The following SEMA3A variants were observed in gnomAD, a reference collection of about 807,000 sequenced individuals.
SEMA3A encodes the protein semaphorin 3A.
In SEMA3A, 29 loss-of-function variants were observed where a neutral mutation model predicts 97.9. That is an observed-to-expected ratio of 0.30 (90% confidence interval 0.22 to 0.40). The LOEUF is 0.40. SEMA3A is among the 10% of genes least tolerant of loss of function. The pLI is 1.00. For missense variants in SEMA3A, 763 were observed against 951.3 expected (o/e 0.80, Z 2.60); for synonymous variants, 321 against 323.7 (o/e 0.99, Z 0.09).
chr7:84,062,840 G>A (rs1414284234), intron 4 of SEMA3A, among the ~76,000 whole-genome samples: 1 of 138,258 alleles, frequency 7.2e-6, no homozygotes, highest in Non-Finnish European at 1.5e-5. Flanking sequence ...GCGAGGCGGG[G>A]GGAGGGGCGT....
chr7:84,254,214 T>A (rs1799667918), intron 3 of SEMA3A, among the ~76,000 whole-genome samples: 1 of 152,186 alleles, frequency 6.6e-6, no homozygotes. Context: ...ACTATTGGGA[T>A]TTGGTTACTT....
At chr7:83,963,932 C>A (rs1213355187) in intron 15 of SEMA3A, among the ~76,000 whole-genome samples, 2 of 152,062 alleles carry the variant, frequency 1.3e-5, no homozygotes, top group Non-Finnish European at 2.9e-5. Flanking sequence ...TTCTGAAGAT[C>A]AATTGGTGTG....
At chr7:84,430,093 C>A (rs1231672456) in intron 1 of SEMA3A, among the ~76,000 whole-genome samples, 1 of 151,620 alleles carries the variant, frequency 6.6e-6, no homozygotes, top group African/African-American at 2.4e-5. Flanking sequence ...AAATGTAAAC[C>A]CAATCGGGGA....
At chr7:84,127,036 T>C (rs942681226) in intron 3 of SEMA3A, among the ~76,000 whole-genome samples, 1 of 152,058 alleles carries the variant, frequency 6.6e-6, no homozygotes, top group African/African-American at 2.4e-5. Context: ...TTTGATCCAC[T>C]GTTACATAAC....
At chr7:84,062,776 C>T (rs930300782) in intron 4 of SEMA3A, among the ~76,000 whole-genome samples, 7 of 152,188 alleles carry the variant, frequency 4.6e-5, no homozygotes, top group Non-Finnish European at 8.8e-5. Context: ...CCTACACCCA[C>T]GGAGTCTCGC....
chr7:84,081,776 A>G (rs1794171870), intron 4 of SEMA3A, among the ~76,000 whole-genome samples: 1 of 151,972 alleles, frequency 6.6e-6, no homozygotes, highest in Non-Finnish European at 1.5e-5. Context: ...GCATATGTAC[A>G]TACAAGTGTA....
chr7:84,403,670 C>T (rs1309042435), intron 1 of SEMA3A, among the ~76,000 whole-genome samples: 3 of 152,128 alleles, frequency 2.0e-5, no homozygotes, highest in Non-Finnish European at 4.4e-5. Flanking sequence ...ACACCTCACA[C>T]AGCCGGGTAC....
At chr7:84,365,688 C>CT (rs1317122142) in intron 2 of SEMA3A, among the ~76,000 whole-genome samples, 4 of 150,940 alleles carry the variant, frequency 2.7e-5, no homozygotes, top group East Asian at 2.0e-4. Flanking sequence ...TATATTCTTA[C>CT]TTTTTTTTGC....
intron 2 of SEMA3A, among the ~76,000 whole-genome samples, chr7:84,350,024 A>G (rs765044253): frequency 2.0e-5 from 3 of 151,996 alleles, no homozygotes; most frequent in Non-Finnish European, 2.9e-5. Flanking sequence ...AATCCCCCCA[A>G]ATTGGCCTAA....
chr7:84,455,815 T>C (rs925826655), intron 1 of SEMA3A, among the ~76,000 whole-genome samples: 13 of 151,962 alleles, frequency 8.6e-5, no homozygotes, highest in Non-Finnish European at 1.6e-4. Context: ...ATTTTATATA[T>C]GGGAGAGGGA....
chr7:84,357,277 C>CCCTT (rs1802586232), intron 2 of SEMA3A, among the ~76,000 whole-genome samples: 1 of 148,662 alleles, frequency 6.7e-6, no homozygotes, highest in Non-Finnish European at 1.5e-5. Flanking sequence ...TATGCCTCCC[C>CCCTT]GCCCCACCCC....
At chr7:84,239,238 T>A (rs952311098) in intron 3 of SEMA3A, among the ~76,000 whole-genome samples, 4 of 152,238 alleles carry the variant, frequency 2.6e-5, no homozygotes, top group Non-Finnish European at 1.5e-5. Context: ...TTTTTAATTA[T>A]CTACTTATTC....
At chr7:84,313,356 GTATATATATA>G (rs869145201) in intron 2 of SEMA3A, among the ~76,000 whole-genome samples, 362 of 23,000 alleles carry the variant, frequency 0.016, 5 homozygotes, top group African/African-American at 0.017. Context: ...ATGTGTGTGT[GTATATATATA>G]TATATATATA....
At chr7:84,311,000 T>TTATATATATATATA (rs4016123) in intron 2 of SEMA3A, among the ~76,000 whole-genome samples, 1 of 148,604 alleles carries the variant, frequency 6.7e-6, no homozygotes, top group Non-Finnish European at 1.5e-5. Flanking sequence ...TTAGTAGATG[T>TTATATATATATATA]TATATATATA....
At chr7:84,217,034 T>C (rs1798768946) in intron 3 of SEMA3A, among the ~76,000 whole-genome samples, 1 of 152,204 alleles carries the variant, frequency 6.6e-6, no homozygotes, top group South Asian at 2.1e-4. Context: ...GAATGTTAAA[T>C]TATTCACCAT....
chr7:84,322,359 G>C (rs982014416), intron 2 of SEMA3A, among the ~76,000 whole-genome samples: 1 of 151,984 alleles, frequency 6.6e-6, no homozygotes, highest in African/African-American at 2.4e-5. Context: ...TTTTCTCACT[G>C]TTATCATCAT....
intron 1 of SEMA3A, among the ~76,000 whole-genome samples, chr7:84,473,670 T>C (rs987954906): frequency 2.0e-5 from 3 of 152,110 alleles, no homozygotes; most frequent in Non-Finnish European, 2.9e-5. Flanking sequence ...TTTACAGGCA[T>C]GAGCCACTGC....
At chr7:84,341,582 T>C (rs2115988546) in intron 2 of SEMA3A, among the ~76,000 whole-genome samples, 1 of 152,192 alleles carries the variant, frequency 6.6e-6, no homozygotes, top group Non-Finnish European at 1.5e-5. Context: ...CAGCAGGTCC[T>C]GTGGATAATA....
In SEMA3A at chr7:84,168,776, C is replaced by T. The variant is rs549909737; in HGVS notation, c.112+25699G>A. ...AACTAACTGACACCTCACATAATAC[C>T]TACCAGTTCAGAACATATGAGGTTT... On this transcript the variant is annotated intron_variant, in intron 1 of 16. Coordinates refer to ENST00000265362, the MANE Select transcript of SEMA3A (RefSeq NM_006080.3). Among the ~76,000 whole-genome samples the T allele has an allele frequency of 4.6e-5, 7 of 151,810 alleles. No individual in the cohort carries two copies. The East Asian group carries it at 5.8e-4, about 13-fold the overall frequency.
Sources: gnomAD v4.1 joint callset for allele counts (sites outside exome capture counted in the v4.1 genomes callset) on GRCh38, gnomAD v4.1.1 for gene constraint, MANE v1.5 for transcripts, NCBI Gene and HGNC (gene_info 2026-07-23, HGNC 2026-07-21) for gene names.